RAD51B: variants seen among roughly 807,000 people sequenced by gnomAD.
RAD51B encodes DNA repair protein RAD51 homolog 2.
RAD51B carries 38 observed loss-of-function variants against 42.2 expected under a neutral mutation model. That is an observed-to-expected ratio of 0.90 (90% confidence interval 0.70 to 1.18). The LOEUF is 1.18. RAD51B is among the 50% of genes most tolerant of loss of function. RAD51B has a pLI of 0.00. For synonymous variants in RAD51B, 154 were observed against 145.2 expected (o/e 1.06, Z -0.43); for missense variants, 373 against 400.7 (o/e 0.93, Z 0.59).
intron 11 of RAD51B, among the ~76,000 whole-genome samples, chr14:68,675,491 G>A (rs969245237): frequency 1.3e-5 from 2 of 152,172 alleles, no homozygotes; most frequent in African/African-American, 4.8e-5. Flanking sequence ...AAAGTGCTAA[G>A]AGAAGGCCTG....
intron 10 of RAD51B, among the ~76,000 whole-genome samples, chr14:68,578,898 G>C (rs1890087158): frequency 6.6e-6 from 1 of 152,176 alleles, no homozygotes; most frequent in South Asian, 2.1e-4. Flanking sequence ...GGGTTCAGGG[G>C]GCTGGGTCAT....
chr14:68,299,588 C>G (rs2064914), intron 8 of RAD51B, among the ~76,000 whole-genome samples: 105,925 of 151,978 alleles, frequency 0.7, 37,048 homozygotes, highest in Admixed American at 0.75. Flanking sequence ...GTGTCTGCAG[C>G]GGGCCCTGGA....
chr14:68,609,374 C>G (rs1891581260), intron 10 of RAD51B, among the ~76,000 whole-genome samples: 1 of 152,116 alleles, frequency 6.6e-6, no homozygotes, highest in African/African-American at 2.4e-5. Context: ...CCTGCAGAAT[C>G]TCTCAGCACG....
chr14:67,835,231 A>G, intron 4 of RAD51B, 35 bp downstream of exon 4: 1 of 1,414,982 alleles, frequency 7.1e-7, no homozygotes, highest in Non-Finnish European at 9.9e-7. Context: ...TCTTCCATTG[A>G]CCTATAACCT....
intron 7 of RAD51B, among the ~76,000 whole-genome samples, chr14:68,047,848 T>G (rs1186693534): frequency 6.6e-6 from 1 of 152,150 alleles, no homozygotes; most frequent in Admixed American, 6.5e-5. Context: ...GGATGCTTCT[T>G]TCTTTCTTTT....
At chr14:67,984,462 T>A (rs2075149333) in intron 7 of RAD51B, among the ~76,000 whole-genome samples, 2 of 152,224 alleles carry the variant, frequency 1.3e-5, no homozygotes. Context: ...TCCTTCTTGT[T>A]TTTTATATTC....
intron 7 of RAD51B, among the ~76,000 whole-genome samples, chr14:68,246,073 A>G (rs913977562): frequency 2.0e-5 from 3 of 152,128 alleles, no homozygotes; most frequent in Admixed American, 6.5e-5. Context: ...TTTATATGTT[A>G]TTTTGTTTAG....
intron 7 of RAD51B, among the ~76,000 whole-genome samples, chr14:68,095,182 C>G (rs1031242247): frequency 6.6e-6 from 1 of 152,026 alleles, no homozygotes; most frequent in Admixed American, 6.5e-5. Context: ...TGAGTGGTTA[C>G]TTAGAAATTA....
At chr14:68,615,195 T>G (rs118076335), downstream of RAD51B, among the ~76,000 whole-genome samples, 31 of 152,312 alleles carry the variant, frequency 2.0e-4, no homozygotes, top group Admixed American at 8.5e-4. Flanking sequence ...GTTTTATTAA[T>G]TCTTGAGAGA....
intron 7 of RAD51B, among the ~76,000 whole-genome samples, chr14:68,037,533 T>G (rs1162480043): frequency 6.6e-6 from 1 of 152,074 alleles, no homozygotes; most frequent in Non-Finnish European, 1.5e-5. Flanking sequence ...CTTTCTTTTT[T>G]TAAAGGGCTG....
At chr14:68,553,196 C>A (rs1235833771) in intron 10 of RAD51B, among the ~76,000 whole-genome samples, 1 of 152,202 alleles carries the variant, frequency 6.6e-6, no homozygotes, top group Non-Finnish European at 1.5e-5. Flanking sequence ...TTTAACCAGT[C>A]CCCTTTTGTT....
intron 10 of RAD51B, among the ~76,000 whole-genome samples, chr14:68,483,730 A>G (rs1182786951): frequency 1.3e-5 from 2 of 152,198 alleles, no homozygotes; most frequent in Non-Finnish European, 2.9e-5. Context: ...TCAGTAATGA[A>G]TTCCTGCTCT....
Position 67,891,033 on chromosome 14 carries a change from G to C in RAD51B, c.756+3829G>C, listed in dbSNP as rs540660755. On this transcript the variant is annotated intron_variant, in intron 7 of 10. Transcript: ENST00000471583. ...AATTCTTTGGAAATGCTTTTTACTG[G>C]TATTTCCAAGGTCTACATTTTTACT... 2.6e-5 allele frequency among the ~76,000 whole-genome samples: 4 copies of C among 152,158 alleles called. No homozygotes were observed. In the East Asian group the frequency reaches 7.7e-4, roughly 29 times the overall value.
chr14:68,545,551 G>T, intron 10 of RAD51B: 1 of 456,048 alleles, frequency 2.2e-6, no homozygotes, highest in Non-Finnish European at 4.4e-6. Flanking sequence ...AGTACCTGGG[G>T]CAGAAACAGT....
At chr14:68,276,903 G>C (rs538504296) in intron 7 of RAD51B, among the ~76,000 whole-genome samples, 1 of 152,188 alleles carries the variant, frequency 6.6e-6, no homozygotes, top group Non-Finnish European at 1.5e-5. Context: ...AAAGCCCTCC[G>C]AGGTAGTACT....
chr14:67,981,281 G>T (rs1566553185), intron 7 of RAD51B, among the ~76,000 whole-genome samples: 1 of 151,990 alleles, frequency 6.6e-6, no homozygotes, highest in African/African-American at 2.4e-5. Context: ...AAAAATAAAA[G>T]AAAAAAATAA....
intron 5 of RAD51B, among the ~76,000 whole-genome samples, chr14:67,872,148 G>T (rs1406948536): frequency 1.3e-5 from 2 of 150,062 alleles, no homozygotes; most frequent in East Asian, 1.9e-4. Flanking sequence ...AAGTCAAATT[G>T]TCCCTGTTTG....
chr14:67,825,078 CAAAAAAAAAAA>C (rs56227529), intron 2 of RAD51B, among the ~76,000 whole-genome samples: 8 of 50,536 alleles, frequency 1.6e-4, no homozygotes, highest in South Asian at 1.3e-3. Context: ...ACTCTTGTCT[CAAAAAAAAAAA>C]AAAAAAAAAA....
chr14:68,302,462 C>T (rs541598123), intron 8 of RAD51B, among the ~76,000 whole-genome samples: 1 of 152,302 alleles, frequency 6.6e-6, no homozygotes, highest in South Asian at 2.1e-4. Context: ...GAAAGTGCAC[C>T]TGACAGAGGG....
Sources: allele counts gnomAD v4.1 joint callset (sites outside exome capture counted in the v4.1 genomes callset), GRCh38; gene constraint gnomAD v4.1.1; transcripts MANE v1.5; gene names NCBI Gene and HGNC (gene_info 2026-07-23, HGNC 2026-07-21).